CEP85L: variants seen among roughly 807,000 people sequenced by gnomAD.
The protein encoded by CEP85L is centrosomal protein 85L, also known as centrosomal protein of 85 kDa-like.
Under a neutral mutation model 100.3 loss-of-function variants are expected in CEP85L, and 60 were observed. The ratio of observed to expected loss-of-function variants is 0.60; its 90% CI spans 0.49 to 0.74. CEP85L has a LOEUF of 0.74. Among genes scored for constraint, CEP85L ranks in the 30% least tolerant of loss-of-function variants. The probability of loss-of-function intolerance (pLI) is 0.00; values close to 1 mark genes in which losing one functional copy is unlikely to be tolerated. For missense variants in CEP85L, 973 were observed against 936.2 expected, an observed-to-expected ratio of 1.04 and a Z score of -0.51; for synonymous variants, 319 against 322.7, an observed-to-expected ratio of 0.99 and a Z score of 0.12.
At chr6:118,654,995 T>C (rs1775739589), upstream of CEP85L, among the ~76,000 whole-genome samples, 1 of 152,246 alleles carries the variant, frequency 6.6e-6, no homozygotes, top group Non-Finnish European at 1.5e-5. Flanking sequence ...CTGGGATCTT[T>C]TCCTGACCCT....
intron 5 of CEP85L, among the ~76,000 whole-genome samples, chr6:118,496,356 TTTTTATTTTATTTTATTTTA>T (rs553361650): frequency 2.9e-5 from 4 of 139,528 alleles, no homozygotes; most frequent in East Asian, 4.1e-4. Flanking sequence ...TATTTTATAT[TTTTTATTTTATTTTATTTTA>T]TTTTATTTTA....
Position 118,460,779 on chromosome 6 carries a change from A to G in CEP85L, c.*4626T>C, listed in dbSNP as rs1268685707. 1 of 152,224 alleles carries G rather than the reference A, an allele frequency of 6.6e-6. No individual in the cohort carries two copies. The highest frequency in any genetic ancestry group is 1.9e-4 in the East Asian group (1 of 5,202). The allele number at this position is 152,224 out of a possible 1,614,324, so 9.4% of individuals were successfully genotyped here. On this transcript the variant is annotated 3_prime_UTR_variant, in exon 13 of 13. Coordinates refer to ENST00000368491, the MANE Select transcript of CEP85L (RefSeq NM_001042475.3). Reference sequence around the variant, plus strand: ...GCTCTTAGAGGACATAAATCTTTTTATAAAAAATTTATTTCTCTGTAAATA... The same window carrying G: ...GCTCTTAGAGGACATAAATCTTTTTGTAAAAAATTTATTTCTCTGTAAATA...
intron 1 of CEP85L, 66 bp downstream of exon 1, chr6:118,651,131 G>T: frequency 6.9e-7 from 1 of 1,441,842 alleles, no homozygotes; most frequent in Non-Finnish European, 9.0e-7. Flanking sequence ...GAGCGGCGGC[G>T]AGGTCCCGAG....
At chr6:118,476,895 T>C (rs1049356305) in intron 10 of CEP85L, among the ~76,000 whole-genome samples, 1 of 152,182 alleles carries the variant, frequency 6.6e-6, no homozygotes, top group East Asian at 1.9e-4. Flanking sequence ...AAGCACACAT[T>C]ACAAAACTCT....
intron 3 of CEP85L, among the ~76,000 whole-genome samples, chr6:118,563,969 C>T (rs902556621): frequency 4.6e-5 from 7 of 152,104 alleles, no homozygotes; most frequent in Non-Finnish European, 7.4e-5. Context: ...AACTTAAAAG[C>T]GCTATAAAGA....
At chr6:118,627,549 T>C (rs1773882132) in intron 2 of CEP85L, among the ~76,000 whole-genome samples, 1 of 152,202 alleles carries the variant, frequency 6.6e-6, no homozygotes. Flanking sequence ...ACACAGCACC[T>C]AGGTGGGAAA....
chr6:118,501,334 A>C, intron 5 of CEP85L: 1 of 357,562 alleles, frequency 2.8e-6, no homozygotes, highest in Admixed American at 3.9e-5. Flanking sequence ...GGCCTACCAA[A>C]CCCCGCACGC....
At chr6:118,474,795 GCCTTAGAGCACTCAAAAA>G (rs1773228403) in intron 10 of CEP85L, among the ~76,000 whole-genome samples, 1 of 152,188 alleles carries the variant, frequency 6.6e-6, no homozygotes, top group South Asian at 2.1e-4. Flanking sequence ...TGATGACAAA[GCCTTAGAGCACTCAAAAA>G]CATTGGAGAT....
chr6:118,567,235 G>GTATATATA (rs1779578838), intron 2 of CEP85L, among the ~76,000 whole-genome samples: 1 of 83,592 alleles, frequency 1.2e-5, no homozygotes, highest in Admixed American at 1.2e-4. Context: ...GTGTGTGTGT[G>GTATATATA]TGTGTGTGTG....
chr6:118,511,168 C>T (rs1377877778), intron 5 of CEP85L, 130 bp downstream of exon 5: 1 of 655,572 alleles, frequency 1.5e-6, no homozygotes, highest in Non-Finnish European at 2.6e-6. Flanking sequence ...CTTTGCCACA[C>T]ATATAAATAA....
At chr6:118,541,253 T>C (rs1268298112) in intron 3 of CEP85L, among the ~76,000 whole-genome samples, 3 of 152,222 alleles carry the variant, frequency 2.0e-5, no homozygotes, top group Non-Finnish European at 4.4e-5. Flanking sequence ...GAAGGGCAAA[T>C]TAAATCAGCA....
intron 1 of CEP85L, among the ~76,000 whole-genome samples, chr6:118,694,549 AT>A (rs1001977895): frequency 9.2e-5 from 14 of 152,184 alleles, no homozygotes; most frequent in African/African-American, 3.4e-4. Context: ...TTTTAGAAAA[AT>A]TTTAGTGTTT....
At chr6:118,602,433 G>T (rs1189451987) in intron 2 of CEP85L, among the ~76,000 whole-genome samples, 1 of 152,160 alleles carries the variant, frequency 6.6e-6, no homozygotes, top group Non-Finnish European at 1.5e-5. Context: ...TTGATATGGG[G>T]TTGCTAGCTG....
intron 2 of CEP85L, among the ~76,000 whole-genome samples, chr6:118,598,784 C>T (rs370644837): frequency 1.3e-5 from 2 of 152,032 alleles, no homozygotes; most frequent in East Asian, 3.9e-4. Context: ...TTATAGCAGC[C>T]CTAGGAAACT....
intron 2 of CEP85L, among the ~76,000 whole-genome samples, chr6:118,592,733 G>A (rs1229059821): frequency 6.6e-6 from 1 of 152,020 alleles, no homozygotes; most frequent in Non-Finnish European, 1.5e-5. Flanking sequence ...TCATGATCAT[G>A]ATGCCCTGTA....
chr6:118,502,978 TCTTAA>T (rs1343460044), intron 5 of CEP85L: 4 of 270,518 alleles, frequency 1.5e-5, no homozygotes, highest in Non-Finnish European at 3.0e-5. Context: ...ACTTTTCCAT[TCTTAA>T]CTTAAAAACG....
At chr6:118,485,508 T>C (rs1774115087) in intron 6 of CEP85L, among the ~76,000 whole-genome samples, 2 of 152,230 alleles carry the variant, frequency 1.3e-5, no homozygotes, top group South Asian at 4.1e-4. Context: ...CATCCTATTA[T>C]TTATTGGGGC....
At chr6:118,517,100 GTCTA>G (rs754812074) in intron 4 of CEP85L, among the ~76,000 whole-genome samples, 10 of 151,940 alleles carry the variant, frequency 6.6e-5, no homozygotes, top group Non-Finnish European at 1.5e-4. Context: ...TGTTCCATTC[GTCTA>G]TCTGTCTTCG....
intron 3 of CEP85L, among the ~76,000 whole-genome samples, chr6:118,563,555 A>AT (rs1443972350): frequency 1.3e-5 from 2 of 152,142 alleles, no homozygotes; most frequent in African/African-American, 4.8e-5. Context: ...CCTGGTCCTT[A>AT]TTAAGGTTCT....
Sources: allele counts gnomAD v4.1 joint callset (sites outside exome capture counted in the v4.1 genomes callset), GRCh38; gene constraint gnomAD v4.1.1; transcripts MANE v1.5; gene names NCBI Gene and HGNC (gene_info 2026-07-23, HGNC 2026-07-21).